Variants in PRKAR1A observed in about 807,000 individuals in gnomAD.
The protein encoded by PRKAR1A is protein kinase cAMP-dependent type I regulatory subunit alpha.
A neutral mutation model predicts 52.0 loss-of-function variants in PRKAR1A; 3 were observed. The ratio of observed to expected loss-of-function variants is 0.06; its 90% CI spans 0.03 to 0.15. PRKAR1A has a LOEUF of 0.15. Ranked by LOEUF, PRKAR1A falls within the 10% of genes least tolerant of loss-of-function variation. The pLI is 1.00. For missense variants in PRKAR1A, 240 were observed against 477.4 expected, an observed-to-expected ratio of 0.50 and a Z score of 4.63; for synonymous variants, 188 against 168.4, an observed-to-expected ratio of 1.12 and a Z score of -0.90.
upstream of PRKAR1A, among the ~76,000 whole-genome samples, chr17:68,508,136 T>A (rs1212046176): frequency 6.6e-6 from 1 of 152,188 alleles, no homozygotes; most frequent in Admixed American, 6.5e-5. Flanking sequence ...CAGCATCAAC[T>A]CTTCCTTGGG....
chr17:68,444,487 G>A, the PRKAR1A span: 1 of 1,610,030 alleles, frequency 6.2e-7, no homozygotes, highest in Non-Finnish European at 8.5e-7. Flanking sequence ...CATTTTTGGA[G>A]CTCACCTGTT....
the PRKAR1A span, among the ~76,000 whole-genome samples, chr17:68,495,740 C>T: frequency 6.6e-6 from 1 of 151,794 alleles, no homozygotes; most frequent in African/African-American, 2.4e-5. Flanking sequence ...AAACTTAGTG[C>T]CTTAAAACCA....
intron 11 of PRKAR1A, among the ~76,000 whole-genome samples, chr17:68,543,268 G>A (rs747220351): frequency 1.3e-5 from 2 of 152,148 alleles, no homozygotes; most frequent in Non-Finnish European, 2.9e-5. Flanking sequence ...GGAGTGGAAT[G>A]TTTAGGAATG....
the PRKAR1A span, chr17:68,444,519 A>G: frequency 6.2e-7 from 1 of 1,613,994 alleles, no homozygotes. Context: ...AATATCCAGG[A>G]GGGTCTTCAA....
At chr17:68,550,151 G>A (rs1401292415) in intron 11 of PRKAR1A, among the ~76,000 whole-genome samples, 1 of 152,140 alleles carries the variant, frequency 6.6e-6, no homozygotes, top group African/African-American at 2.4e-5. Flanking sequence ...GACTCTAAGT[G>A]ATGATGACAA....
the PRKAR1A span, chr17:68,420,483 CGAG>C: frequency 1.5e-5 from 24 of 1,600,714 alleles, no homozygotes; most frequent in Non-Finnish European, 2.0e-5. Flanking sequence ...TTTTATTCCA[CGAG>C]GAGGAGTACC....
At chr17:68,551,089 C>T (rs769261973) in exon 12 of PRKAR1A, 7 of 1,234,336 alleles carry the variant, frequency 5.7e-6, no homozygotes, top group Non-Finnish European at 6.1e-6. Flanking sequence ...TGCAGGTCAC[C>T]TCATCATCTC....
upstream of PRKAR1A, among the ~76,000 whole-genome samples, chr17:68,509,195 C>T (rs950706388): frequency 5.3e-5 from 8 of 152,214 alleles, no homozygotes; most frequent in East Asian, 7.7e-4. Context: ...ATTTCTTTTT[C>T]GTTTTTTGAG....
Position 68,531,217 on chromosome 17 carries a change from A to G in PRKAR1A, c.*768A>G. ...TTAACTACATCTGCCTCGGCTCACA[A>G]ATTCCGATTAGACCTTTATCCAGCT... is the stretch of plus-strand genomic sequence containing the variant. On this transcript the variant is annotated 3_prime_UTR_variant, in exon 11 of 11. Transcript: ENST00000589228. 9.4e-7 allele frequency: 1 copy of G among 1,066,442 alleles called. No individual in the cohort carries two copies. 66.1% of individuals were successfully genotyped at this position (1,066,442 alleles called of 1,614,324 possible). A position where few individuals can be genotyped will look rare whatever the true frequency, so the allele number is the denominator to read the frequency against.
chr17:68,527,818 C>T lies in PRKAR1A; in HGVS notation c.709-22C>T, dbSNP rs758945600. 2.5e-6 allele frequency: 4 copies of T among 1,585,842 alleles called. No homozygotes were observed. The South Asian group carries it at 4.4e-5, about 18-fold the overall frequency. On this transcript the variant is annotated intron_variant, in intron 7 of 10. Transcript: ENST00000589228. ...ATAATTACACGTCTTGGGGATATCA[C>T]TTTTGTTATTTTTATTTTTAGGGAA...
downstream of PRKAR1A, chr17:68,537,446 C>T (rs764878596): frequency 3.7e-6 from 6 of 1,613,766 alleles, no homozygotes; most frequent in Middle Eastern, 1.7e-4. The surrounding 1 kb of genome is among the most constrained non-coding windows in gnomAD (Gnocchi z 4.2). Flanking sequence ...TGGCTCCAGG[C>T]GTATTTTCTG....
the PRKAR1A span, among the ~76,000 whole-genome samples, chr17:68,471,337 A>G: frequency 6.6e-6 from 1 of 152,216 alleles, no homozygotes; most frequent in Non-Finnish European, 1.5e-5. Flanking sequence ...TTTAAAATGT[A>G]TATATGAATA....
chr17:68,486,481 CCT>C, the PRKAR1A span, among the ~76,000 whole-genome samples: 5 of 75,100 alleles, frequency 6.7e-5, no homozygotes, highest in South Asian at 4.9e-4. Context: ...CTCCTTCCTT[CCT>C]TCCTTCCTTC....
At chr17:68,436,394 A>G in the PRKAR1A span, 13 of 1,613,908 alleles carry the variant, frequency 8.1e-6, no homozygotes, top group African/African-American at 1.3e-4. Context: ...GGGAGTTTCC[A>G]TCATAAAGCA....
the PRKAR1A span, chr17:68,427,004 G>A: frequency 4.1e-6 from 3 of 729,104 alleles, no homozygotes; most frequent in Admixed American, 2.5e-5. Context: ...AGGTAACAGT[G>A]AAGGGGGAAG....
chr17:68,535,911 A>G (rs1206440495), downstream of PRKAR1A: 4 of 454,048 alleles, frequency 8.8e-6, no homozygotes, highest in African/African-American at 2.0e-5. Flanking sequence ...CTAAACCACT[A>G]AATTGTGTGA....
At chr17:68,511,568 G>C (rs2085265249), upstream of PRKAR1A, among the ~76,000 whole-genome samples, 1 of 152,194 alleles carries the variant, frequency 6.6e-6, no homozygotes, top group African/African-American at 2.4e-5. Context: ...TCAGGTTCTA[G>C]AAGGACTCAG....
chr17:68,542,802 C>T (rs2086367729), intron 11 of PRKAR1A: 2 of 1,613,158 alleles, frequency 1.2e-6, no homozygotes, highest in Non-Finnish European at 1.7e-6. Context: ...CGTCGGAAGT[C>T]CAGAATCCTG....
the PRKAR1A span, among the ~76,000 whole-genome samples, chr17:68,476,674 CTCTT>C: frequency 8.6e-5 from 13 of 151,118 alleles, no homozygotes; most frequent in Admixed American, 2.0e-4. Context: ...CTCTCTTTCT[CTCTT>C]TCTTTCTTTC....
Sources: gnomAD v4.1 joint callset for allele counts (sites outside exome capture counted in the v4.1 genomes callset) on GRCh38, gnomAD v4.1.1 for gene constraint, Gnocchi (gnomAD v3.1) non-coding constraint, MANE v1.5 for transcripts, NCBI Gene and HGNC (gene_info 2026-07-23, HGNC 2026-07-21) for gene names.